Variants in MLXIPL observed in about 807,000 individuals in gnomAD.
MLXIPL encodes the protein carbohydrate-responsive element-binding protein.
Under a neutral mutation model 81.5 loss-of-function variants are expected in MLXIPL, and 49 were observed. That is an observed-to-expected ratio of 0.60 (90% CI 0.48 to 0.76). The LOEUF (loss-of-function observed/expected upper bound fraction) is 0.76. Ranked by LOEUF, MLXIPL falls within the 30% of genes least tolerant of loss-of-function variation. MLXIPL has a pLI of 0.00. For synonymous variants in MLXIPL, 466 were observed against 485.5 expected, an observed-to-expected ratio of 0.96 and a Z score of 0.53; for missense variants, 1,053 against 1,167.0, an observed-to-expected ratio of 0.90 and a Z score of 1.42.
the MLXIPL span, among the ~76,000 whole-genome samples, chr7:73,644,719 C>A: frequency 1.3e-5 from 2 of 152,172 alleles, no homozygotes; most frequent in Admixed American, 1.3e-4. Context: ...GAACCAGGAG[C>A]TGTAGGACAA....
chr7:73,625,610 A>G (rs1432627787), upstream of MLXIPL, among the ~76,000 whole-genome samples: 4 of 151,842 alleles, frequency 2.6e-5, no homozygotes, highest in East Asian at 7.8e-4. Context: ...TACAAAAATT[A>G]CCGGATGTGA....
Position 73,597,399 on chromosome 7 carries a change from G to T in MLXIPL, c.1386C>A (p.Val462=), listed in dbSNP as rs1283112556. 29 of 434,868 alleles carry T rather than the reference G, an allele frequency of 6.7e-5. No homozygotes were observed. Among genetic ancestry groups the T allele is most frequent in the Non-Finnish European group, 1.1e-4 (29 of 262,612 alleles). 26.9% of individuals were successfully genotyped at this position (434,868 alleles called of 1,614,324 possible). Residue 462 remains valine (V), a synonymous_variant, in exon 9 of 17, where the codon GTC becomes GTA. Coordinates refer to ENST00000313375, the MANE Select transcript of MLXIPL (RefSeq NM_032951.3). ...PAAFPPTPQS[V]PSPAPTPFPI... ...GGAAGGGGGTGGGGGCTGGGCTGGG[G>T]ACAGACTGTGGGGTGGGTGGGAAGG...
At chr7:73,633,205 C>A in the MLXIPL span, among the ~76,000 whole-genome samples, 3 of 151,500 alleles carry the variant, frequency 2.0e-5, no homozygotes, top group South Asian at 2.1e-4. Flanking sequence ...CTCAGCCTCC[C>A]GAGTAGCTGG....
At chr7:73,619,352 T>C (rs951689907) in intron 1 of MLXIPL, among the ~76,000 whole-genome samples, 2 of 151,918 alleles carry the variant, frequency 1.3e-5, no homozygotes, top group Non-Finnish European at 2.9e-5. Context: ...TCCCAGCTAC[T>C]TGGGAGGCTA....
chr7:73,601,536 G>T (rs72649018), intron 7 of MLXIPL, among the ~76,000 whole-genome samples: 1 of 152,158 alleles, frequency 6.6e-6, no homozygotes, highest in Admixed American at 6.5e-5. Flanking sequence ...GGTGCAGGGC[G>T]AGGGGAGGAA....
At chr7:73,597,128 C>A in intron 9 of MLXIPL, 54 bp downstream of exon 9, 1 of 1,535,810 alleles carries the variant, frequency 6.5e-7, no homozygotes, top group Non-Finnish European at 8.8e-7. Context: ...CCCTGTCCTC[C>A]CCACCCCCTG....
At chr7:73,611,275 G>A (rs73702547) in intron 2 of MLXIPL, 4,112 of 152,250 alleles carry the variant, frequency 0.027, 220 homozygotes, top group African/African-American at 0.094. Context: ...GTCTTTACAT[G>A]CTCGCCTTGC....
At chr7:73,643,081 T>C in the MLXIPL span, among the ~76,000 whole-genome samples, 1 of 152,132 alleles carries the variant, frequency 6.6e-6, no homozygotes, top group Non-Finnish European at 1.5e-5. Flanking sequence ...ATATTTCCCC[T>C]TGCACCACAG....
rs140888200 is a variant in MLXIPL at position 73,596,420 on chromosome 7, C to T, written c.1882G>A (p.Val628Ile). The T allele has an allele frequency of 1.0e-4, 162 of 1,612,688 alleles. 1 individual carries two copies. Among genetic ancestry groups the T allele is most frequent in the Middle Eastern group, 1.6e-4 (1 of 6,068 alleles). The stretch of plus-strand genomic sequence containing the variant: ...ATGGGTTGCGGGGGAGAGACACGGA[C>T]GCTCAGAGTCCCAGGGCCTGGCATG... ...SSMPGPGTLS[V>I]RVSPPQPILS... is the part of the protein sequence containing the mutation. Residue 628 changes from valine to isoleucine, a missense_variant, in exon 12 of 17, where the codon GTC becomes ATC. By Grantham distance (29) the Val-to-Ile change is conservative (BLOSUM62 3). Transcript: ENST00000313375. This position sits in a 1 kb window ranked among gnomAD's most constrained non-coding sequence, Gnocchi z 4.7.
In MLXIPL at chr7:73,602,005, G is replaced by A. The variant is rs1001818159; in HGVS notation, c.902-2310C>T. Among the ~76,000 whole-genome samples, 6 of 151,940 alleles carry A rather than the reference G, an allele frequency of 3.9e-5. No homozygotes were observed. In the East Asian group the frequency reaches 9.7e-4, roughly 25 times the overall value. On this transcript the variant is annotated intron_variant, in intron 7 of 16. Coordinates refer to ENST00000313375, the MANE Select transcript of MLXIPL (RefSeq NM_032951.3). The stretch of plus-strand genomic sequence containing the variant: ...GTCCTGCCATGATAGCATGGTGCAC[G>A]TGCGTCTGCTCTGTGCCTGTCCGCG...
At chr7:73,639,932 G>A in the MLXIPL span, among the ~76,000 whole-genome samples, 1 of 151,954 alleles carries the variant, frequency 6.6e-6, no homozygotes, top group African/African-American at 2.4e-5. Context: ...AGGTGTGGTG[G>A]TGGGCGCCTG....
upstream of MLXIPL, among the ~76,000 whole-genome samples, chr7:73,627,031 C>T (rs1796765885): frequency 1.3e-5 from 2 of 152,174 alleles, no homozygotes; most frequent in African/African-American, 2.4e-5. Flanking sequence ...CTTCCACCCA[C>T]CTCCCTTGGC....
chr7:73,627,836 G>A (rs1442385646), upstream of MLXIPL, among the ~76,000 whole-genome samples: 3 of 152,030 alleles, frequency 2.0e-5, no homozygotes, highest in African/African-American at 7.2e-5. Flanking sequence ...TGGCTCCGGG[G>A]ACCCTGGCTC....
At chr7:73,625,984 TTTTA>T (rs141386921), upstream of MLXIPL, among the ~76,000 whole-genome samples, 88 of 152,186 alleles carry the variant, frequency 5.8e-4, 1 homozygote, top group Non-Finnish European at 1.0e-3. Context: ...TTCTTTGTAT[TTTTA>T]TTTATCTATA....
the MLXIPL span, among the ~76,000 whole-genome samples, chr7:73,646,112 T>C: frequency 1.3e-5 from 2 of 152,174 alleles, no homozygotes; most frequent in East Asian, 1.9e-4. Flanking sequence ...ACTGCACTAA[T>C]GATGGCCTCT....
chr7:73,611,845 T>C (rs116759066), intron 2 of MLXIPL, among the ~76,000 whole-genome samples: 2,658 of 151,710 alleles, frequency 0.018, 74 homozygotes, highest in African/African-American at 0.06. Context: ...AATAAAGCAT[T>C]CTCCAAAATG....
chr7:73,594,027 C>T (rs372126179), intron 16 of MLXIPL, 44 bp from the exon 17 acceptor site: 1 of 1,552,420 alleles, frequency 6.4e-7, no homozygotes, highest in Non-Finnish European at 8.9e-7. Context: ...TTCCTGGGGT[C>T]AGGGCCCTAC....
chr7:73,638,145 G>T, the MLXIPL span, among the ~76,000 whole-genome samples: 1 of 152,082 alleles, frequency 6.6e-6, no homozygotes, highest in Non-Finnish European at 1.5e-5. Context: ...CTGGCCCTTG[G>T]CAGGAACCAT....
chr7:73,629,608 C>T, the MLXIPL span, among the ~76,000 whole-genome samples: 1 of 152,144 alleles, frequency 6.6e-6, no homozygotes, highest in Non-Finnish European at 1.5e-5. Flanking sequence ...TCTTGTAGTT[C>T]CAGCTACTTG....
Sources: allele counts gnomAD v4.1 joint callset (sites outside exome capture counted in the v4.1 genomes callset), GRCh38; gene constraint gnomAD v4.1.1; non-coding constraint Gnocchi (gnomAD v3.1); transcripts MANE v1.5; gene names NCBI Gene and HGNC (gene_info 2026-07-23, HGNC 2026-07-21).